Variants in KEAP1 observed in about 807,000 individuals in gnomAD.
KEAP1 encodes the protein kelch-like ECH-associated protein 1.
Under a neutral mutation model 59.7 loss-of-function variants are expected in KEAP1, and 26 were observed. That is an observed-to-expected ratio of 0.44 (90% CI 0.32 to 0.60). The LOEUF (loss-of-function observed/expected upper bound fraction) is 0.60, where lower values mean the gene tolerates loss of function less well. KEAP1 is among the 20% of genes least tolerant of loss of function. The pLI is 0.06. For synonymous variants in KEAP1, 350 were observed against 358.3 expected (o/e 0.98, Z 0.26); for missense variants, 539 against 871.4 (o/e 0.62, Z 4.80).
intron 1 of KEAP1, 116 bp from the exon 2 acceptor site, chr19:10,500,196 A>C: frequency 1.4e-6 from 1 of 736,172 alleles, no homozygotes; most frequent in South Asian, 2.1e-5. Context: ...AAAGTAGGTG[A>C]AGCAGAATCC....
intron 2 of KEAP1, among the ~76,000 whole-genome samples, chr19:10,497,320 A>G (rs890228466): frequency 5.3e-5 from 8 of 152,118 alleles, no homozygotes; most frequent in African/African-American, 1.9e-4. Flanking sequence ...TGTAACATAG[A>G]GGGTAGGAAA....
chr19:10,501,351 C>T (rs768987395), intron 1 of KEAP1, among the ~76,000 whole-genome samples: 5 of 150,710 alleles, frequency 3.3e-5, no homozygotes, highest in African/African-American at 9.7e-5. Context: ...TATTCTCGAC[C>T]GGGCGTGGTG....
At position 10,489,761 on chromosome 19, in the gene KEAP1, T is replaced by C; in HGVS notation, c.1418A>G (p.Tyr473Cys). ...TGTCCCGTCAAAGCCCCCCACGGCA[T>C]AAAGGAGACGATTGAGGACAGCCAC... is the stretch of plus-strand genomic sequence containing the variant. ...VGVAVLNRLLYAVGGFDGTNR... is the reference protein window; with the variant it reads ...VGVAVLNRLLCAVGGFDGTNR... The change falls in exon 4 of 6, where the codon TAT becomes TGT. Residue 473 changes from tyrosine (Y) to cysteine (C), a missense_variant. Coordinates refer to ENST00000171111, the MANE Select transcript of KEAP1 (RefSeq NM_203500.2). 1.2e-6 allele frequency: 2 copies of C among 1,614,006 alleles called. No individual in the cohort carries two copies. The highest frequency in any genetic ancestry group is 1.7e-6 in the Non-Finnish European group (2 of 1,180,000).
At chr19:10,486,922 C>G (rs1023739531) in intron 5 of KEAP1, 104 bp from the exon 6 acceptor site, 2 of 1,225,364 alleles carry the variant, frequency 1.6e-6, no homozygotes, top group Admixed American at 2.3e-5. Context: ...GCAGGCCGGG[C>G]GTGGTGGCTC....
At position 10,499,720 on chromosome 19, in the gene KEAP1, G is replaced by T. The variant is rs1914972846; in HGVS notation, c.314C>A (p.Pro105His). Residue 105 changes from proline (P) to histidine (H), a missense_variant, in exon 2 of 6, where the codon CCT (proline) becomes CAT (histidine). Physicochemically the swap from Pro to His is moderately conservative, Grantham distance 77. Coordinates refer to ENST00000171111, the MANE Select transcript of KEAP1 (RefSeq NM_203500.2). This position sits in a 1 kb window ranked among gnomAD's most constrained non-coding sequence, Gnocchi z 6.7. ...GTTGGTGAACATGGCCTTGAAGACA[G>T]GGCTGGATGAGGCCAGCACCACCTT... The part of the protein sequence containing the change: ...AHKVVLASSS[P>H]VFKAMFTNGL... 1 of 1,614,176 alleles carries T rather than the reference G, an allele frequency of 6.2e-7. No homozygotes were observed. Among genetic ancestry groups the T allele is most frequent in the Non-Finnish European group, 8.5e-7 (1 of 1,180,038 alleles).
rs979818233 is a variant in KEAP1 at position 10,486,718 on chromosome 19, C to A, written c.1809G>T (p.Gly603=). 3 of 1,613,998 alleles carry A rather than the reference C, an allele frequency of 1.9e-6. No individual in the cohort carries two copies. Among genetic ancestry groups the A allele is most frequent in the Non-Finnish European group, 2.5e-6 (3 of 1,180,046 alleles). The part of the protein sequence containing the change: ...EVTRMTSGRS[G]VGVAVTMEPC... ...GCTCCATGGTGACAGCCACGCCCAC[C>A]CCACTCCGGCCCGATGTCATTCGGG... Residue 603 remains glycine, a synonymous_variant, in exon 6 of 6, where the codon GGG becomes GGT. Transcript: ENST00000171111.
In KEAP1 at chr19:10,488,338, C is replaced by T. The variant is rs192858353; in HGVS notation, c.1708+854G>A. On this transcript the variant is annotated intron_variant, in intron 5 of 5. Coordinates refer to ENST00000171111, the MANE Select transcript of KEAP1 (RefSeq NM_203500.2). ...AAATAAACAAAAACATTAAGCTGGG[C>T]GCGGTGGCTCACACCTGTAATCCCA... 3.2e-3 allele frequency among the ~76,000 whole-genome samples: 492 copies of T among 152,030 alleles called. 3 individuals carry two copies. The highest frequency in any genetic ancestry group is 0.011 in the African/African-American group (445 of 41,488).
chr19:10,492,965 G>T (rs1036873809), intron 2 of KEAP1, among the ~76,000 whole-genome samples: 1 of 150,984 alleles, frequency 6.6e-6, no homozygotes, highest in Non-Finnish European at 1.5e-5. Flanking sequence ...GACATTACAG[G>T]CACCTACCAC....
Position 10,491,457 on chromosome 19 carries a change from G to T in KEAP1, c.1325+120C>A. ...CCAAGGAGCTTAGCTTCATCCTGAG[G>T]CCTCCACTCCCTGAAGACAGGAAGA... On this transcript the variant is annotated intron_variant, in intron 3 of 5. Coordinates refer to ENST00000171111, the MANE Select transcript of KEAP1 (RefSeq NM_203500.2). This position sits in a 1 kb window ranked among gnomAD's most constrained non-coding sequence, Gnocchi z 5.2. The T allele has an allele frequency of 1.3e-6, 1 of 790,500 alleles. No individual in the cohort carries two copies. Among genetic ancestry groups the T allele is most frequent in the South Asian group, 2.7e-5 (1 of 37,188 alleles). The allele number at this position is 790,500 out of a possible 1,614,324, so 49.0% of individuals were successfully genotyped here.
Position 10,491,871 on chromosome 19 carries a change from G to A in KEAP1, c.1031C>T (p.Ala344Val), listed in dbSNP as rs1377763147. The A allele has an allele frequency of 1.2e-6, 2 of 1,612,912 alleles. No individual in the cohort carries two copies. Among genetic ancestry groups the A allele is most frequent in the African/African-American group, 1.3e-5 (1 of 75,060 alleles). Residue 344 changes from alanine to valine, a missense_variant, in exon 3 of 6, where the codon GCT (alanine) becomes GTT (valine). Physicochemically the swap from Ala to Val is moderately conservative, Grantham distance 64. Transcript: ENST00000171111. The surrounding 1 kb of genome is among the most constrained non-coding windows in gnomAD (Gnocchi z 5.2). Reference protein sequence around the residue: ...YFRQSLSYLEAYNPSDGTWLR... With the variant: ...YFRQSLSYLEVYNPSDGTWLR... ...CCAGGTGCCGTCACTGGGGTTGTAA[G>A]CCTCCAGGTAGCTGAGCGACTGTCG...
At chr19:10,501,867 G>C (rs1348087366) in intron 1 of KEAP1, among the ~76,000 whole-genome samples, 1 of 152,094 alleles carries the variant, frequency 6.6e-6, no homozygotes, top group Non-Finnish European at 1.5e-5. Context: ...TTCAAAAGGA[G>C]TGGGGGATCT....
intron 2 of KEAP1, among the ~76,000 whole-genome samples, chr19:10,493,373 A>C (rs1230445344): frequency 6.6e-6 from 1 of 151,838 alleles, no homozygotes; most frequent in African/African-American, 2.4e-5. Flanking sequence ...CGTGTTAGCC[A>C]GGATGGTCTC....
rs2144591511 is a variant in KEAP1 at position 10,489,858 on chromosome 19, A to T, written c.1326-5T>A. On this transcript the variant is annotated splice_region_variant and splice_polypyrimidine_tract_variant and intron_variant, in intron 3 of 5. Coordinates refer to ENST00000171111, the MANE Select transcript of KEAP1 (RefSeq NM_203500.2). ...TCATCCCGCTCTGGCTCATACCTGC[A>T]AGGGCGTAAGAAAAATGGGGACAAT... is the stretch of plus-strand genomic sequence containing the variant. The T allele has an allele frequency of 6.2e-7, 1 of 1,611,702 alleles. No homozygotes were observed. Among genetic ancestry groups the T allele is most frequent in the Non-Finnish European group, 8.5e-7 (1 of 1,178,948 alleles).
chr19:10,500,146 G>T, intron 1 of KEAP1, 66 bp from the exon 2 acceptor site: 1 of 1,180,678 alleles, frequency 8.5e-7, no homozygotes, highest in Non-Finnish European at 1.2e-6. Context: ...GCCGGGCCTC[G>T]TTTTGCAAGA....
rs2144576686 is a variant in KEAP1, at chr19:10,486,595, A to G, written c.*57T>C. On this transcript the variant is annotated 3_prime_UTR_variant, in exon 6 of 6. Transcript: ENST00000171111. ...CTTTTCTTTTAGTCCCGGTTTTTGTACAAAAACAATGATACTCCCCATTGG... is the reference window on the plus strand; with the variant it reads ...CTTTTCTTTTAGTCCCGGTTTTTGTGCAAAAACAATGATACTCCCCATTGG... 6.5e-7 allele frequency: 1 copy of G among 1,527,256 alleles called. No individual in the cohort carries two copies. The highest frequency in any genetic ancestry group is 8.9e-7 in the Non-Finnish European group (1 of 1,118,688). The allele number at this position is 1,527,256 out of a possible 1,614,324, so 94.6% of individuals were successfully genotyped here. A position where few individuals can be genotyped will look rare whatever the true frequency, so the allele number is the denominator to read the frequency against.
rs2144625907 is a variant in KEAP1, at chr19:10,499,550, A to G, written c.484T>C (p.Tyr162His). Residue 162 changes from tyrosine to histidine, a missense_variant, in exon 2 of 6, where the codon TAC becomes CAC. This residue lies in a region of KEAP1 where 166 missense variants were observed against 295.8 expected (regional missense o/e 0.56). Coordinates refer to ENST00000171111, the MANE Select transcript of KEAP1 (RefSeq NM_203500.2). This position sits in a 1 kb window ranked among gnomAD's most constrained non-coding sequence, Gnocchi z 6.7. ...GCACGGACAACGCTGTCGATCTGGT[A>G]CATGACAGCACCGTTCATGACGTGG... ...VLHVMNGAVM[Y>H]QIDSVVRACS... 1 of 1,614,178 alleles carries G rather than the reference A, an allele frequency of 6.2e-7. No homozygotes were observed. Among genetic ancestry groups the G allele is most frequent in the Non-Finnish European group, 8.5e-7 (1 of 1,180,038 alleles).
At position 10,486,787 on chromosome 19, in the gene KEAP1, A is replaced by G. The variant is rs750507759; in HGVS notation, c.1740T>C (p.Ser580=). The change falls in exon 6 of 6, where the codon AGT becomes AGC. Residue 580 remains serine, a synonymous_variant. Coordinates refer to ENST00000171111, the MANE Select transcript of KEAP1 (RefSeq NM_203500.2). ...GGYDGHTFLD[S]VECYDPDTDT... is the part of the protein sequence containing the mutation. ...CTGTATCTGGGTCGTAACACTCCAC[A>G]CTGTCCAGGAACGTGTGACCATCAT... 1 of 1,613,930 alleles carries G rather than the reference A, an allele frequency of 6.2e-7. No homozygotes were observed. The highest frequency in any genetic ancestry group is 2.2e-5 in the East Asian group (1 of 44,864).
chr19:10,494,488 A>G (rs750167282), intron 2 of KEAP1, among the ~76,000 whole-genome samples: 38 of 146,738 alleles, frequency 2.6e-4, no homozygotes, highest in African/African-American at 7.8e-4. Context: ...CCACCACCAC[A>G]CCCGGCTAAT....
Position 10,491,543 on chromosome 19 carries a change from C to A in KEAP1, c.1325+34G>T, listed in dbSNP as rs778003081. 4.7e-6 allele frequency: 7 copies of A among 1,479,790 alleles called. No homozygotes were observed. In the East Asian group the frequency reaches 7.1e-5, roughly 15 times the overall value. 91.7% of individuals were successfully genotyped at this position (1,479,790 alleles called of 1,614,324 possible). A position where few individuals can be genotyped will look rare whatever the true frequency, so the allele number is the denominator to read the frequency against. On this transcript the variant is annotated intron_variant, in intron 3 of 5. Coordinates refer to ENST00000171111, the MANE Select transcript of KEAP1 (RefSeq NM_203500.2). The surrounding 1 kb of genome is among the most constrained non-coding windows in gnomAD (Gnocchi z 5.2). ...GTCTTGGGACTTGCCAGGAGCAGGA[C>A]CCTCCGAGCCCACCCCCAGGCCCTG... is the stretch of plus-strand genomic sequence containing the variant.
Sources: gnomAD v4.1 joint callset for allele counts (sites outside exome capture counted in the v4.1 genomes callset) on GRCh38, gnomAD v4.1.1 for gene constraint, gnomAD v4.1.1 regional missense constraint, Gnocchi (gnomAD v3.1) non-coding constraint, MANE v1.5 for transcripts, NCBI Gene and HGNC (gene_info 2026-07-23, HGNC 2026-07-21) for gene names.